The following HECW2 variants were observed in gnomAD, a reference collection of about 807,000 sequenced individuals.
The protein encoded by HECW2 is HECT, C2 and WW domain containing E3 ubiquitin protein ligase 2, also known as E3 ubiquitin-protein ligase HECW2.
HECW2 carries 61 observed loss-of-function variants against 175.2 expected under a neutral mutation model. The ratio of observed to expected loss-of-function variants is 0.35; its 90% CI spans 0.28 to 0.43. The LOEUF is 0.43. Among genes scored for constraint, HECW2 ranks in the 20% least tolerant of loss-of-function variants. HECW2 has a pLI of 1.00. For missense variants in HECW2, 1,524 were observed against 2,000.5 expected (o/e 0.76, Z 4.54); for synonymous variants, 671 against 731.0 (o/e 0.92, Z 1.32).
At chr2:196,388,141 A>ATTT (rs1559081809) in intron 2 of HECW2, among the ~76,000 whole-genome samples, 7 of 151,676 alleles carry the variant, frequency 4.6e-5, no homozygotes, top group East Asian at 1.9e-4. Flanking sequence ...AAAAAAAAAA[A>ATTT]TTTTTAATTA....
intron 1 of HECW2, among the ~76,000 whole-genome samples, chr2:196,491,367 TATACACAC>T (rs1256101990): frequency 2.1e-4 from 20 of 95,754 alleles, no homozygotes; most frequent in African/African-American, 5.8e-4. Context: ...ATCATATATA[TATACACAC>T]ACACACACAC....
At chr2:196,563,511 A>C (rs1016704550) in intron 1 of HECW2, among the ~76,000 whole-genome samples, 3 of 151,086 alleles carry the variant, frequency 2.0e-5, no homozygotes, top group African/African-American at 4.9e-5. Flanking sequence ...GGTTGTAGTG[A>C]GCCGAGATCA....
chr2:196,394,319 G>T (rs1694600920), intron 2 of HECW2, among the ~76,000 whole-genome samples: 1 of 152,028 alleles, frequency 6.6e-6, no homozygotes, highest in South Asian at 2.1e-4. Context: ...AAAAAGAAAA[G>T]AAAATGATCC....
At chr2:196,559,809 T>C (rs553896572) in intron 1 of HECW2, among the ~76,000 whole-genome samples, 44 of 152,330 alleles carry the variant, frequency 2.9e-4, no homozygotes, top group Non-Finnish European at 5.6e-4. Context: ...GCATACATCT[T>C]AAATCTCACA....
chr2:196,472,762 C>T (rs1697263533), intron 1 of HECW2, among the ~76,000 whole-genome samples: 1 of 152,030 alleles, frequency 6.6e-6, no homozygotes, highest in African/African-American at 2.4e-5. Context: ...GCTGAGATTA[C>T]AGGCATGCAT....
intron 2 of HECW2, among the ~76,000 whole-genome samples, chr2:196,346,941 G>A (rs1271687330): frequency 1.3e-5 from 2 of 149,034 alleles, no homozygotes; most frequent in Non-Finnish European, 3.0e-5. Flanking sequence ...CCGAGAGGTG[G>A]AGTTTGCAGT....
intron 13 of HECW2, among the ~76,000 whole-genome samples, chr2:196,298,348 C>CAA (rs141014169): frequency 2.6e-5 from 4 of 151,560 alleles, no homozygotes; most frequent in Non-Finnish European, 4.4e-5. Flanking sequence ...AACCACAATG[C>CAA]AAAAAAAGAA....
rs545386044 is a variant in HECW2 at position 196,420,544 on chromosome 2, C to T, written c.292+12588G>A. ...AAGAGAAGATTTTGGATATATCTGACACCTTTCATCATAACCTACATTAAT... is the reference window on the plus strand; with the variant it reads ...AAGAGAAGATTTTGGATATATCTGATACCTTTCATCATAACCTACATTAAT... On this transcript the variant is annotated intron_variant, in intron 2 of 28. Transcript: ENST00000644978. 2.0e-5 allele frequency among the ~76,000 whole-genome samples: 3 copies of T among 152,340 alleles called. No homozygotes were observed. In the South Asian group the frequency reaches 6.2e-4, roughly 32 times the overall value.
intron 3 of HECW2, among the ~76,000 whole-genome samples, chr2:196,342,939 G>A (rs1042354884): frequency 1.5e-5 from 2 of 134,500 alleles, no homozygotes; most frequent in African/African-American, 5.7e-5. Context: ...AAGTATTAAA[G>A]TAACCATATA....
chr2:196,308,178 A>G, intron 10 of HECW2, 93 bp from the exon 11 acceptor site: 1 of 939,036 alleles, frequency 1.1e-6, no homozygotes, highest in Non-Finnish European at 1.5e-6. Context: ...TCTTTCTCTG[A>G]CATGCTATAA....
intron 5 of HECW2, among the ~76,000 whole-genome samples, chr2:196,328,772 T>C (rs1007598198): frequency 6.6e-6 from 1 of 152,222 alleles, no homozygotes; most frequent in African/African-American, 2.4e-5. Flanking sequence ...TAAAAGTCTA[T>C]TTCAAATATG....
At chr2:196,404,926 G>A (rs1023870110) in intron 2 of HECW2, among the ~76,000 whole-genome samples, 2 of 135,870 alleles carry the variant, frequency 1.5e-5, no homozygotes, top group African/African-American at 2.8e-5. Flanking sequence ...CCAGGTTCAC[G>A]CCATTCTCCT....
intron 2 of HECW2, among the ~76,000 whole-genome samples, chr2:196,396,076 T>G (rs1465562867): frequency 6.6e-6 from 1 of 152,204 alleles, no homozygotes; most frequent in African/African-American, 2.4e-5. Context: ...ACAACATGGA[T>G]GAACTCTGAA....
chr2:196,529,013 T>G (rs1688759407), intron 1 of HECW2, among the ~76,000 whole-genome samples: 2 of 152,226 alleles, frequency 1.3e-5, no homozygotes, highest in Admixed American at 1.3e-4. Context: ...TTGCCATGAC[T>G]CTCTCATCAT....
chr2:196,334,130 A>G (rs1291056614), intron 4 of HECW2, among the ~76,000 whole-genome samples: 2 of 152,170 alleles, frequency 1.3e-5, no homozygotes, highest in Non-Finnish European at 1.5e-5. Context: ...CACCCACACT[A>G]AGTTTAAACC....
intron 1 of HECW2, among the ~76,000 whole-genome samples, chr2:196,556,442 T>C (rs1235228130): frequency 6.6e-6 from 1 of 152,178 alleles, no homozygotes; most frequent in Non-Finnish European, 1.5e-5. Context: ...GACCAATATC[T>C]CCCATTTTCT....
At chr2:196,559,562 T>C (rs7355529) in intron 1 of HECW2, among the ~76,000 whole-genome samples, 53,314 of 152,102 alleles carry the variant, frequency 0.35, 12,964 homozygotes, top group African/African-American at 0.7. Context: ...CAGACGAGGC[T>C]CTACTGTGCT....
chr2:196,292,839 A>G, intron 13 of HECW2, 89 bp from the exon 14 acceptor site: 1 of 1,009,514 alleles, frequency 9.9e-7, no homozygotes, highest in Non-Finnish European at 1.5e-6. Context: ...CTAATCTTCC[A>G]ATAAGTAATG....
intron 14 of HECW2, among the ~76,000 whole-genome samples, chr2:196,286,411 TGCAGGTC>T (rs1441014892): frequency 1.3e-5 from 2 of 151,608 alleles, no homozygotes; most frequent in African/African-American, 4.8e-5. Flanking sequence ...TTTAAATCCA[TGCAGGTC>T]ATAAAGACAA....
Sources: gnomAD v4.1 joint callset for allele counts (sites outside exome capture counted in the v4.1 genomes callset) on GRCh38, gnomAD v4.1.1 for gene constraint, MANE v1.5 for transcripts, NCBI Gene and HGNC (gene_info 2026-07-23, HGNC 2026-07-21) for gene names.